The following NRXN1 variants were observed in gnomAD, a reference collection of about 807,000 sequenced individuals.
NRXN1 encodes neurexin-1.
In NRXN1, 39 loss-of-function variants were observed where a neutral mutation model predicts 150.9. That is an observed-to-expected ratio of 0.26 (90% CI 0.20 to 0.34). The LOEUF is 0.34. NRXN1 is among the 10% of genes least tolerant of loss of function. The probability of loss-of-function intolerance (pLI) is 1.00; values close to 1 mark genes in which losing one functional copy is unlikely to be tolerated. For synonymous variants in NRXN1, 924 were observed against 757.0 expected (o/e 1.22, Z -3.62); for missense variants, 1,815 against 1,949.9 (o/e 0.93, Z 1.30).
intron 17 of NRXN1, among the ~76,000 whole-genome samples, chr2:50,439,504 T>C (rs1011770914): frequency 6.6e-6 from 1 of 152,014 alleles, no homozygotes; most frequent in Non-Finnish European, 1.5e-5. Context: ...GAAAAACAGA[T>C]TCCTAGAAAG....
chr2:50,882,492 C>G (rs73930218), intron 5 of NRXN1, among the ~76,000 whole-genome samples: 1 of 151,788 alleles, frequency 6.6e-6, no homozygotes, highest in Non-Finnish European at 1.5e-5. Flanking sequence ...TACGGCTGAG[C>G]TAGAGTTTAA....
intron 2 of NRXN1, among the ~76,000 whole-genome samples, chr2:50,966,911 TCA>T (rs1350638515): frequency 6.6e-6 from 1 of 151,952 alleles, no homozygotes; most frequent in African/African-American, 2.4e-5. Flanking sequence ...ATCATAGAAC[TCA>T]CTATCAGGTA....
At chr2:50,188,569 C>G (rs112668699) in intron 18 of NRXN1, among the ~76,000 whole-genome samples, 1 of 152,022 alleles carries the variant, frequency 6.6e-6, no homozygotes, top group South Asian at 2.1e-4. Flanking sequence ...AATAAACTAT[C>G]ATTAGAGTGA....
At chr2:50,942,399 A>G (rs1280765695) in intron 2 of NRXN1, among the ~76,000 whole-genome samples, 1 of 152,170 alleles carries the variant, frequency 6.6e-6, no homozygotes, top group Admixed American at 6.5e-5. Context: ...CCAGAATGGT[A>G]GATCCACCGA....
intron 21 of NRXN1, among the ~76,000 whole-genome samples, chr2:50,006,168 G>T (rs753823945): frequency 1.3e-5 from 2 of 151,956 alleles, no homozygotes; most frequent in African/African-American, 4.8e-5. Flanking sequence ...CATAATCAAT[G>T]GCCAATTAAT....
chr2:50,364,614 A>T (rs188558985), intron 17 of NRXN1, among the ~76,000 whole-genome samples: 3 of 152,230 alleles, frequency 2.0e-5, no homozygotes, highest in Admixed American at 2.0e-4. Context: ...TGATGATCTT[A>T]TCAGTCATGC....
chr2:50,688,886 C>G (rs1376926562), intron 5 of NRXN1, among the ~76,000 whole-genome samples: 1 of 152,154 alleles, frequency 6.6e-6, no homozygotes, highest in South Asian at 2.1e-4. Context: ...TGCTTTCTAA[C>G]AAGGTGTTGT....
chr2:50,807,250 T>C (rs1667625177), intron 5 of NRXN1, among the ~76,000 whole-genome samples: 1 of 152,094 alleles, frequency 6.6e-6, no homozygotes, highest in South Asian at 2.1e-4. Context: ...AGTTTAACTA[T>C]AACCTTCATA....
At chr2:50,703,466 G>C (rs774129223) in intron 5 of NRXN1, among the ~76,000 whole-genome samples, 2 of 152,072 alleles carry the variant, frequency 1.3e-5, no homozygotes, top group Admixed American at 6.6e-5. Context: ...TAAGAAGAAG[G>C]AAAGGTAAAG....
At chr2:50,820,055 C>T (rs1478185590) in intron 5 of NRXN1, among the ~76,000 whole-genome samples, 3 of 152,014 alleles carry the variant, frequency 2.0e-5, no homozygotes, top group South Asian at 2.1e-4. Context: ...CATGGACTAA[C>T]CAGGACTCAT....
chr2:50,135,654 G>A (rs1324129788), intron 18 of NRXN1, among the ~76,000 whole-genome samples: 1 of 152,036 alleles, frequency 6.6e-6, no homozygotes, highest in Non-Finnish European at 1.5e-5. Context: ...TTGCACCATT[G>A]CACTCCAGCC....
chr2:50,713,490 G>A (rs1695464726), intron 5 of NRXN1, among the ~76,000 whole-genome samples: 1 of 152,086 alleles, frequency 6.6e-6, no homozygotes, highest in South Asian at 2.1e-4. Flanking sequence ...GAAGTGAAAT[G>A]TATGGTGTGT....
intron 2 of NRXN1, among the ~76,000 whole-genome samples, chr2:50,938,904 T>C (rs1312986011): frequency 6.6e-6 from 1 of 152,114 alleles, no homozygotes; most frequent in Non-Finnish European, 1.5e-5. Context: ...TAAATAATTG[T>C]AGATTTTTAA....
chr2:50,144,382 T>C (rs1707709843), intron 18 of NRXN1, among the ~76,000 whole-genome samples: 1 of 151,784 alleles, frequency 6.6e-6, no homozygotes, highest in Admixed American at 6.6e-5. Context: ...TCACAGCCCC[T>C]GAGTTTTCCT....
intron 17 of NRXN1, among the ~76,000 whole-genome samples, chr2:50,268,906 A>T (rs571599252): frequency 2.0e-4 from 31 of 152,280 alleles, no homozygotes; most frequent in African/African-American, 7.5e-4. Context: ...TATCTACGTT[A>T]ATGAAACGAT....
chr2:50,186,975 T>G (rs1173472190), intron 18 of NRXN1, among the ~76,000 whole-genome samples: 2 of 152,118 alleles, frequency 1.3e-5, no homozygotes, highest in Non-Finnish European at 2.9e-5. Context: ...AGATGGTTCC[T>G]GGCATTAAAC....
intron 21 of NRXN1, among the ~76,000 whole-genome samples, chr2:49,960,214 C>T (rs777523394): frequency 1.1e-4 from 17 of 152,282 alleles, no homozygotes; most frequent in Non-Finnish European, 2.4e-4. Context: ...TGAGTTCATA[C>T]GTGGAGGTTC....
chr2:50,247,723 C>A (rs1400142429), intron 17 of NRXN1, among the ~76,000 whole-genome samples: 1 of 152,042 alleles, frequency 6.6e-6, no homozygotes, highest in East Asian at 1.9e-4. Flanking sequence ...GAAGATATGA[C>A]AACTTGATGA....
chr2:50,333,905 T>C (rs1421193922), intron 17 of NRXN1, among the ~76,000 whole-genome samples: 4 of 151,978 alleles, frequency 2.6e-5, no homozygotes, highest in Non-Finnish European at 5.9e-5. Flanking sequence ...CTGAATGAAA[T>C]TGTGTAAAAA....
Sources: gnomAD v4.1 joint callset for allele counts (sites outside exome capture counted in the v4.1 genomes callset) on GRCh38, gnomAD v4.1.1 for gene constraint, MANE v1.5 for transcripts, NCBI Gene and HGNC (gene_info 2026-07-23, HGNC 2026-07-21) for gene names.